TBC1D1: variants seen among roughly 807,000 people sequenced by gnomAD.
The protein encoded by TBC1D1 is TBC1 (tre-2/USP6, BUB2, cdc16) domain family, member 1.
TBC1D1 carries 89 observed loss-of-function variants against 125.6 expected under a neutral mutation model. That is an observed-to-expected ratio of 0.71 (90% CI 0.60 to 0.85). The LOEUF is 0.85. Ranked by LOEUF, TBC1D1 falls within the 40% of genes least tolerant of loss-of-function variation. The pLI, the probability that TBC1D1 is intolerant of heterozygous loss-of-function variation, is 0.00. For synonymous variants in TBC1D1, 565 were observed against 564.1 expected (o/e 1.00, Z -0.02); for missense variants, 1,377 against 1,469.2 (o/e 0.94, Z 1.03).
chr4:37,921,905 A>T (rs1047727347), intron 2 of TBC1D1, among the ~76,000 whole-genome samples: 5 of 62,380 alleles, frequency 8.0e-5, no homozygotes, highest in East Asian at 7.9e-4. Context: ...CAGCTAATTT[A>T]AAAAAAAAAA....
intron 2 of TBC1D1, among the ~76,000 whole-genome samples, chr4:37,998,767 C>A (rs1337165081): frequency 6.6e-6 from 1 of 152,190 alleles, no homozygotes; most frequent in East Asian, 1.9e-4. Context: ...ATGTAATCCA[C>A]TGAAAGCATG....
At chr4:37,951,037 T>C (rs1273406509) in intron 2 of TBC1D1, among the ~76,000 whole-genome samples, 1 of 152,186 alleles carries the variant, frequency 6.6e-6, no homozygotes, top group Non-Finnish European at 1.5e-5. Flanking sequence ...AATGCTGGGA[T>C]TACAGGTGTG....
rs78843416 is a variant in TBC1D1, at chr4:38,042,246, T to C, written c.1414-2116T>C. Reference sequence around the variant, plus strand: ...TGATATCTGATGTTTTTTGATTGTCTGGTTTACATTTTTTATTTTTATTTT... The same window carrying C: ...TGATATCTGATGTTTTTTGATTGTCCGGTTTACATTTTTTATTTTTATTTT... On this transcript the variant is annotated intron_variant, in intron 8 of 19. Coordinates refer to ENST00000261439, the MANE Select transcript of TBC1D1 (RefSeq NM_015173.4). Among the ~76,000 whole-genome samples, 536 of 152,206 alleles carry C rather than the reference T, an allele frequency of 3.5e-3. 25 individuals are homozygous for C. The East Asian group carries it at 0.083, about 23-fold the overall frequency.
At chr4:38,117,001 C>G (rs1218630881) in intron 16 of TBC1D1, among the ~76,000 whole-genome samples, 1 of 152,210 alleles carries the variant, frequency 6.6e-6, no homozygotes, top group Non-Finnish European at 1.5e-5. Context: ...ATAACACTTT[C>G]CACATGTACT....
At chr4:38,075,678 G>A (rs1755465410) in intron 12 of TBC1D1, among the ~76,000 whole-genome samples, 1 of 152,220 alleles carries the variant, frequency 6.6e-6, no homozygotes, top group Non-Finnish European at 1.5e-5. Flanking sequence ...AATGGGATGG[G>A]TGGGGTTAGA....
chr4:38,109,274 G>T (rs1761850927), intron 15 of TBC1D1, among the ~76,000 whole-genome samples: 1 of 152,204 alleles, frequency 6.6e-6, no homozygotes, highest in South Asian at 2.1e-4. Context: ...TTATTCTGAA[G>T]AGTGAGCCAT....
At position 38,036,914 on chromosome 4, in the gene TBC1D1, A is replaced by T. The variant is rs147098277; in HGVS notation, c.1413+1216A>T. On this transcript the variant is annotated intron_variant, in intron 8 of 19. Transcript: ENST00000261439. ...CTGTGTCTCTCCTGTTCATTTTTGG[A>T]TGGACCAGTTGGTCTAAGTTTTCAG... is the stretch of plus-strand genomic sequence containing the variant. Among the ~76,000 whole-genome samples, 776 of 152,200 alleles carry T rather than the reference A, an allele frequency of 5.1e-3. 4 individuals are homozygous for T. The highest frequency in any genetic ancestry group is 0.017 in the African/African-American group (704 of 41,532).
chr4:38,022,821 T>A (rs564198165), intron 6 of TBC1D1, among the ~76,000 whole-genome samples: 1 of 152,336 alleles, frequency 6.6e-6, no homozygotes, highest in East Asian at 1.9e-4. Context: ...TTTGTGTTTT[T>A]GTTCTGTTTA....
At chr4:38,057,606 C>T (rs1210420868) in intron 12 of TBC1D1, among the ~76,000 whole-genome samples, 1 of 152,136 alleles carries the variant, frequency 6.6e-6, no homozygotes, top group Non-Finnish European at 1.5e-5. Context: ...TTTAAGTGTT[C>T]TGTGTATGCA....
intron 2 of TBC1D1, among the ~76,000 whole-genome samples, chr4:37,904,543 T>G (rs960977152): frequency 3.9e-5 from 6 of 152,234 alleles, no homozygotes; most frequent in Non-Finnish European, 8.8e-5. Flanking sequence ...CATCTGAGAA[T>G]AGGCTTCTGG....
intron 2 of TBC1D1, among the ~76,000 whole-genome samples, chr4:37,924,448 G>A (rs746980330): frequency 5.9e-5 from 9 of 152,118 alleles, no homozygotes; most frequent in Non-Finnish European, 8.8e-5. Context: ...TATATTCACT[G>A]TGTTATGCCA....
chr4:38,099,669 A>T (rs1050624721), intron 14 of TBC1D1, among the ~76,000 whole-genome samples: 3 of 152,042 alleles, frequency 2.0e-5, no homozygotes, highest in Admixed American at 2.0e-4. Flanking sequence ...TACATGGGGG[A>T]TGGAGGAATG....
At chr4:38,102,975 C>T (rs1760642353) in intron 14 of TBC1D1, 24 bp from the exon 17 acceptor site, 1 of 1,602,344 alleles carries the variant, frequency 6.2e-7, no homozygotes. Context: ...TAAATTATTT[C>T]CATGTCTTCT....
intron 12 of TBC1D1, 39 bp downstream of exon 14, chr4:38,054,377 C>T (rs372501909): frequency 7.4e-6 from 12 of 1,611,052 alleles, no homozygotes; most frequent in East Asian, 4.5e-5. Flanking sequence ...AAAGAGAGCA[C>T]GCTGACAGAG....
chr4:38,005,478 T>A (rs12643286), intron 2 of TBC1D1, among the ~76,000 whole-genome samples: 38,489 of 151,942 alleles, frequency 0.25, 5,006 homozygotes, highest in East Asian at 0.33. Flanking sequence ...TCAGAGATGT[T>A]TTCCTTCCCT....
chr4:37,931,377 G>A (rs957265018), intron 2 of TBC1D1, among the ~76,000 whole-genome samples: 4 of 151,914 alleles, frequency 2.6e-5, no homozygotes, highest in African/African-American at 9.7e-5. Flanking sequence ...AATTACAGGT[G>A]TGAGCCAACT....
intron 2 of TBC1D1, among the ~76,000 whole-genome samples, chr4:37,937,212 C>T (rs887273870): frequency 7.2e-5 from 11 of 152,170 alleles, no homozygotes; most frequent in Non-Finnish European, 1.3e-4. Flanking sequence ...GAGTCCCAGA[C>T]AGGAATCCCT....
At chr4:38,050,096 G>A (rs1578429925) in intron 11 of TBC1D1, among the ~76,000 whole-genome samples, 198 bp downstream of exon 11, 1 of 152,158 alleles carries the variant, frequency 6.6e-6, no homozygotes, top group Admixed American at 6.5e-5. Context: ...GTATTGTCAG[G>A]AAGCAAGTGA....
At chr4:38,077,597 T>G (rs1429658792) in intron 12 of TBC1D1, among the ~76,000 whole-genome samples, 1 of 151,970 alleles carries the variant, frequency 6.6e-6, no homozygotes, top group Non-Finnish European at 1.5e-5. Context: ...GCAGAAATTA[T>G]ACCTTGACTT....
Sources: gnomAD v4.1 joint callset for allele counts (sites outside exome capture counted in the v4.1 genomes callset) on GRCh38, gnomAD v4.1.1 for gene constraint, MANE v1.5 for transcripts, NCBI Gene and HGNC (gene_info 2026-07-23, HGNC 2026-07-21) for gene names.